Variants in LZTR1 observed in about 807,000 individuals in gnomAD.
LZTR1 encodes leucine zipper like post translational regulator 1, also known as leucine-zipper-like transcriptional regulator 1.
LZTR1 carries 260 observed loss-of-function variants against 105.7 expected under a neutral mutation model. That is an observed-to-expected ratio of 2.46 (90% CI 2.22 to 2.72). The LOEUF is 2.72. Ranked by LOEUF, LZTR1 falls within the 30% of genes most tolerant of loss-of-function variation. The pLI is 0.00. For missense variants in LZTR1, 1,214 were observed against 1,166.9 expected (o/e 1.04, Z -0.59); for synonymous variants, 490 against 476.4 (o/e 1.03, Z -0.37).
intron 2 of LZTR1, among the ~76,000 whole-genome samples, chr22:20,984,052 C>T (rs1279657155): frequency 6.6e-6 from 1 of 152,218 alleles, no homozygotes; most frequent in Admixed American, 6.5e-5. Flanking sequence ...CCCCCCTGCT[C>T]AGGCCCTTGC....
chr22:20,994,501 CCT>C, intron 14 of LZTR1, 55 bp from the exon 15 acceptor site: 12 of 1,564,990 alleles, frequency 7.7e-6, no homozygotes, highest in East Asian at 2.2e-5. Context: ...AGCCCTGCGC[CCT>C]GTGCCCTGCC....
At chr22:20,985,923 C>T (rs1192900555) in intron 3 of LZTR1, 26 bp downstream of exon 3, 2 of 1,611,680 alleles carry the variant, frequency 1.2e-6, no homozygotes, top group African/African-American at 1.3e-5. Flanking sequence ...CTCCAGGGCC[C>T]TGCCTTTCCT....
At position 20,998,996 on chromosome 22, in the gene LZTR1, T is replaced by C. The variant is rs1924996832; in HGVS notation, c.*1648T>C. 6.6e-6 allele frequency: 1 copy of C among 152,238 alleles called. No homozygotes were observed. Among genetic ancestry groups the C allele is most frequent in the East Asian group, 1.9e-4 (1 of 5,200 alleles). 9.4% of individuals were successfully genotyped at this position (152,238 alleles called of 1,614,324 possible). A position where few individuals can be genotyped will look rare whatever the true frequency, so the allele number is the denominator to read the frequency against. ...GAACCCTGATCTAGACTTATATGAA[T>C]AAATGAAATTACATGCCAAGGGCCC... On this transcript the variant is annotated 3_prime_UTR_variant, in exon 21 of 21. Coordinates refer to ENST00000646124, the MANE Select transcript of LZTR1 (RefSeq NM_006767.4).
chr22:20,986,141 G>A (rs1924373026), intron 3 of LZTR1: 1 of 529,670 alleles, frequency 1.9e-6, no homozygotes, highest in African/African-American at 1.9e-5. Context: ...CTTCTGGGCT[G>A]TCCACCTCTA....
In LZTR1 at chr22:20,994,266, A is replaced by T. The variant is rs1472642577; in HGVS notation, c.1612A>T (p.Lys538Ter). 6.3e-7 allele frequency: 1 copy of T among 1,597,830 alleles called. No homozygotes were observed. Among genetic ancestry groups the T allele is most frequent in the South Asian group, 1.1e-5 (1 of 90,978 alleles). The change falls in exon 14 of 21, where the codon AAA (lysine) becomes TAA (stop). Residue 538 changes from lysine (K) to a stop codon, truncating the protein, a stop_gained. Transcript: ENST00000646124. LOFTEE classifies it high-confidence loss of function. ...CACCGACAAGATCAAATACCCACGG[A>T]AAGGTCCGCCTGGGTGGGGGTGGAG... ...LYTDKIKYPR[K>*]GHVEDVLLIM...
At chr22:20,996,672 G>T in intron 18 of LZTR1, 24 bp from the exon 19 acceptor site, 1 of 1,608,028 alleles carries the variant, frequency 6.2e-7, no homozygotes, top group Non-Finnish European at 8.5e-7. Flanking sequence ...GCTTCCTTTA[G>T]TCAGCTCCTT....
At chr22:20,991,336 C>A (rs1924597475) in intron 8 of LZTR1, 1 of 473,278 alleles carries the variant, frequency 2.1e-6, no homozygotes, top group African/African-American at 1.9e-5. Context: ...GCAGGACTGC[C>A]TGGGCGGGTC....
rs1449793938 is a variant in LZTR1 at position 20,988,817 on chromosome 22, GC to G, written c.540del (p.Thr181ArgfsTer19). 4.3e-6 allele frequency: 7 copies of G among 1,614,006 alleles called. No individual in the cohort carries two copies. Among genetic ancestry groups the G allele is most frequent in the African/African-American group, 1.3e-5 (1 of 74,918 alleles). On this transcript the variant is annotated frameshift_variant, in exon 6 of 21. Transcript: ENST00000646124. LOFTEE classifies it high-confidence loss of function. ...GCCAGTCGCTAGGTCAGCCCATGGG[GC>G]CACGGTGTACAGTGACAAGCTGTGG... ...RLPVARSAHG[A>X]TVYSDKLWIF...
chr22:20,988,905 C>T (rs1343005251), intron 6 of LZTR1, 33 bp downstream of exon 6: 2 of 1,583,564 alleles, frequency 1.3e-6, no homozygotes, highest in South Asian at 1.1e-5. Flanking sequence ...CACCCCACCT[C>T]CGACAGCACT....
intron 16 of LZTR1, 108 bp from the exon 17 acceptor site, chr22:20,995,635 TGAA>T: frequency 7.4e-7 from 1 of 1,351,612 alleles, no homozygotes; most frequent in Non-Finnish European, 1.0e-6. Flanking sequence ...TCTGCCTGGG[TGAA>T]GTTTTGTTCA....
In LZTR1 at chr22:20,990,426, TC is replaced by T. The variant is rs759626368; in HGVS notation, c.696del (p.Val233TrpfsTer19). Reference protein sequence around the residue: ...SGEIPPSCCNFPVAVCRDKMF... With the variant: ...SGEIPPSCCNXPVAVCRDKMF... ...GAGATCCCCCCATCTTGCTGCAACT[TC>T]CCCGTGGCTGTGTGCCGGGACAAGA... On this transcript the variant is annotated frameshift_variant, in exon 8 of 21. Transcript: ENST00000646124. LOFTEE classifies it high-confidence loss of function. 6.2e-7 allele frequency: 1 copy of T among 1,613,990 alleles called. No homozygotes were observed. Among genetic ancestry groups the T allele is most frequent in the Non-Finnish European group, 8.5e-7 (1 of 1,179,996 alleles).
At position 20,994,978 on chromosome 22, in the gene LZTR1, A is replaced by C. The variant is rs1353029152; in HGVS notation, c.1894A>C (p.Lys632Gln). The C allele has an allele frequency of 2.5e-6, 4 of 1,612,936 alleles. No individual in the cohort carries two copies. In the Admixed American group the frequency reaches 6.7e-5, roughly 27 times the overall value. Reference sequence around the variant, plus strand: ...ACTGATAGTGGAGATTGTGCGGCGGAAGCAGCAGCCGCCCCCTCGCACTCC... The same window carrying C: ...ACTGATAGTGGAGATTGTGCGGCGGCAGCAGCAGCCGCCCCCTCGCACTCC... ...SPLIVEIVRRKQQPPPRTPLD... is the reference protein window; with the variant it reads ...SPLIVEIVRRQQQPPPRTPLD... The change falls in exon 16 of 21, where the codon AAG (lysine) becomes CAG (glutamine). Residue 632 changes from lysine to glutamine, a missense_variant. By Grantham distance (53) the Lys-to-Gln change is moderately conservative (BLOSUM62 1). Transcript: ENST00000646124.
chr22:20,990,750 T>A (rs1924580357), intron 8 of LZTR1: 3 of 523,668 alleles, frequency 5.7e-6, no homozygotes, highest in Non-Finnish European at 6.8e-6. Context: ...GGCCCCTGGC[T>A]AGGCCTCCCT....
At chr22:20,985,003 C>G (rs1044899632) in intron 2 of LZTR1, among the ~76,000 whole-genome samples, 1 of 151,074 alleles carries the variant, frequency 6.6e-6, no homozygotes, top group Non-Finnish European at 1.5e-5. Flanking sequence ...GTGGGAAGAT[C>G]ACTTGAGGCC....
chr22:20,995,064 G>A, intron 16 of LZTR1, 38 bp downstream of exon 16: 2 of 1,579,446 alleles, frequency 1.3e-6, no homozygotes, highest in African/African-American at 1.3e-5. Context: ...GGGCTGGGAG[G>A]GATGGTGTTC....
At chr22:20,987,940 C>A in intron 4 of LZTR1, 70 bp from the exon 5 acceptor site, 1 of 951,630 alleles carries the variant, frequency 1.1e-6, no homozygotes, top group South Asian at 1.5e-5. Flanking sequence ...AGATTCTGCT[C>A]CACCTTCCAG....
intron 14 of LZTR1, 80 bp downstream of exon 14, chr22:20,994,349 C>CCATCAGTAAGGCAGGG: frequency 6.7e-7 from 1 of 1,486,054 alleles, no homozygotes; most frequent in Non-Finnish European, 9.1e-7. Flanking sequence ...TGCTGCCAGC[C>CCATCAGTAAGGCAGGG]CTGCCTTACT....
In LZTR1 at chr22:20,994,984, C is replaced by T. The variant is rs144711904; in HGVS notation, c.1900C>T (p.Gln634Ter). The T allele has an allele frequency of 1.2e-6, 2 of 1,613,006 alleles. No homozygotes were observed. The highest frequency in any genetic ancestry group is 1.7e-6 in the Non-Finnish European group (2 of 1,179,960). ...AGTGGAGATTGTGCGGCGGAAGCAG[C>T]AGCCGCCCCCTCGCACTCCCTTGGA... ...LIVEIVRRKQ[Q>*]PPPRTPLDQP... The change falls in exon 16 of 21, where the codon CAG becomes TAG. Residue 634 changes from glutamine to a stop codon, truncating the protein, a stop_gained. Transcript: ENST00000646124. LOFTEE classifies it high-confidence loss of function.
chr22:20,994,989 GC>G lies in LZTR1; in HGVS notation c.1910del (p.Pro637LeufsTer15), dbSNP rs780380199. On this transcript the variant is annotated frameshift_variant, in exon 16 of 21. Transcript: ENST00000646124. LOFTEE classifies it high-confidence loss of function. ...VEIVRRKQQP[P>X]PRTPLDQPVD... Reference sequence around the variant, plus strand: ...AGATTGTGCGGCGGAAGCAGCAGCCGCCCCCTCGCACTCCCTTGGACCAGCC... The same window carrying G: ...AGATTGTGCGGCGGAAGCAGCAGCCGCCCCTCGCACTCCCTTGGACCAGCC... The G allele has an allele frequency of 2.5e-6, 4 of 1,612,832 alleles. No homozygotes were observed. Among genetic ancestry groups the G allele is most frequent in the Non-Finnish European group, 3.4e-6 (4 of 1,179,938 alleles).
Sources: allele counts gnomAD v4.1 joint callset (sites outside exome capture counted in the v4.1 genomes callset), GRCh38; gene constraint gnomAD v4.1.1; transcripts MANE v1.5; gene names NCBI Gene and HGNC (gene_info 2026-07-23, HGNC 2026-07-21).